The following EYA4 variants were observed in gnomAD, a reference collection of about 807,000 sequenced individuals.
The protein encoded by EYA4 is EYA transcriptional coactivator and phosphatase 4, also known as protein phosphatase EYA4.
Under a neutral mutation model 87.9 loss-of-function variants are expected in EYA4, and 31 were observed. The ratio of observed to expected loss-of-function variants is 0.35; its 90% CI spans 0.27 to 0.48. EYA4 has a LOEUF of 0.48. Ranked by LOEUF, EYA4 falls within the 20% of genes least tolerant of loss-of-function variation. The pLI is 0.99. For missense variants in EYA4, 678 were observed against 761.4 expected (o/e 0.89, Z 1.29); for synonymous variants, 263 against 270.6 (o/e 0.97, Z 0.28).
At chr6:133,318,367 G>A (rs1206020055) in intron 2 of EYA4, among the ~76,000 whole-genome samples, 2 of 152,168 alleles carry the variant, frequency 1.3e-5, no homozygotes. Context: ...AGAATTTGAT[G>A]TAAACATTTT....
chr6:133,374,580 A>C (rs910674219), intron 2 of EYA4, among the ~76,000 whole-genome samples: 1 of 152,048 alleles, frequency 6.6e-6, no homozygotes, highest in African/African-American at 2.4e-5. Context: ...AAGAAGGGTT[A>C]TGGCAGGTTT....
At chr6:133,461,009 A>G (rs1038910455) in intron 6 of EYA4, 105 bp from the exon 7 acceptor site, 2 of 811,210 alleles carry the variant, frequency 2.5e-6, no homozygotes, top group Non-Finnish European at 2.2e-6. Context: ...GAATTTCTGG[A>G]AACATGTATT....
intron 1 of EYA4, among the ~76,000 whole-genome samples, chr6:133,274,187 C>A (rs1034699505): frequency 1.3e-5 from 2 of 152,026 alleles, no homozygotes; most frequent in Non-Finnish European, 2.9e-5. Context: ...GTAATACATT[C>A]TTTAACATAT....
intron 2 of EYA4, among the ~76,000 whole-genome samples, chr6:133,361,844 C>T (rs919384907): frequency 6.6e-6 from 1 of 152,172 alleles, no homozygotes; most frequent in African/African-American, 2.4e-5. Context: ...TTAAAGTCAG[C>T]TGTTTGAAAG....
At chr6:133,329,039 C>G (rs1582972924) in intron 2 of EYA4, among the ~76,000 whole-genome samples, 1 of 151,984 alleles carries the variant, frequency 6.6e-6, no homozygotes, top group East Asian at 1.9e-4. Flanking sequence ...TAAGCAGAAG[C>G]CTCTGTTAGG....
In EYA4 at chr6:133,383,322, C is replaced by T. The variant is rs373146228; in HGVS notation, c.83+881C>T. On this transcript the variant is annotated intron_variant, in intron 3 of 19. Coordinates refer to ENST00000355286, the MANE Select transcript of EYA4 (RefSeq NM_004100.5). ...CTGAGGTCAGGAGTTCAAGACCAGC[C>T]TGGCCAATATGGTGAAACCCCATCT... Among the ~76,000 whole-genome samples, 45 of 152,012 alleles carry T rather than the reference C, an allele frequency of 3.0e-4. No homozygotes were observed. In the Middle Eastern group the frequency reaches 0.01, roughly 35 times the overall value.
intron 1 of EYA4, among the ~76,000 whole-genome samples, chr6:133,273,307 C>T (rs934575334): frequency 1.3e-5 from 2 of 151,748 alleles, no homozygotes; most frequent in Non-Finnish European, 2.9e-5. Flanking sequence ...CTCTTTTTTT[C>T]ACACTTTTCT....
chr6:133,365,442 C>T (rs1378494483), intron 2 of EYA4, among the ~76,000 whole-genome samples: 1 of 152,100 alleles, frequency 6.6e-6, no homozygotes, highest in African/African-American at 2.4e-5. Context: ...GACTGAGTGA[C>T]AACATGGAGA....
At chr6:133,365,690 T>G (rs895290014) in intron 2 of EYA4, among the ~76,000 whole-genome samples, 1 of 151,988 alleles carries the variant, frequency 6.6e-6, no homozygotes, top group Non-Finnish European at 1.5e-5. Context: ...CTAGTTTGAG[T>G]AATTTCAGTG....
chr6:133,294,416 G>T (rs1778791836), intron 2 of EYA4, among the ~76,000 whole-genome samples: 1 of 148,060 alleles, frequency 6.8e-6, no homozygotes, highest in Non-Finnish European at 1.5e-5. Context: ...TGCCCAGGCT[G>T]GAGTGCAATG....
intron 2 of EYA4, among the ~76,000 whole-genome samples, chr6:133,379,153 A>G (rs934434289): frequency 6.6e-6 from 1 of 151,932 alleles, no homozygotes; most frequent in African/African-American, 2.4e-5. Context: ...ATACCTGTAG[A>G]CCCAGTTACG....
At chr6:133,515,146 CAATGGATATTCAATTCAGA>C (rs1383756103) in intron 16 of EYA4, among the ~76,000 whole-genome samples, 156 bp from the exon 17 acceptor site, 2 of 152,184 alleles carry the variant, frequency 1.3e-5, no homozygotes, top group Non-Finnish European at 2.9e-5. Flanking sequence ...TTGACGGAAT[CAATGGATATTCAATTCAGA>C]AACGAAGGAT....
intron 2 of EYA4, among the ~76,000 whole-genome samples, chr6:133,330,342 T>C (rs1411035860): frequency 6.6e-6 from 1 of 152,098 alleles, no homozygotes; most frequent in African/African-American, 2.4e-5. Context: ...GTGAAAGATA[T>C]GACAGCACAA....
chr6:133,282,005 TATCCATTCC>T (rs1473487305), intron 2 of EYA4, among the ~76,000 whole-genome samples: 3 of 152,198 alleles, frequency 2.0e-5, no homozygotes, highest in African/African-American at 7.2e-5. Context: ...ACATTTTCTT[TATCCATTCC>T]ATTGTTGTGG....
At position 133,278,418 on chromosome 6, in the gene EYA4, AC is replaced by A. The variant is rs1220563854; in HGVS notation, c.33+3607del. On this transcript the variant is annotated intron_variant, in intron 2 of 19. Coordinates refer to ENST00000355286, the MANE Select transcript of EYA4 (RefSeq NM_004100.5). ...CCCTATCTGTTTACTTGCCTATCTC[AC>A]CACTACATTATAAACTACTTAAGAG... Among the ~76,000 whole-genome samples the A allele has an allele frequency of 2.6e-5, 4 of 152,186 alleles. No individual in the cohort carries two copies. In the East Asian group the frequency reaches 7.7e-4, roughly 29 times the overall value.
chr6:133,426,851 CTATCTA>C (rs1395173453), intron 3 of EYA4, among the ~76,000 whole-genome samples: 4 of 152,340 alleles, frequency 2.6e-5, no homozygotes, highest in East Asian at 1.9e-4. Context: ...TATCTCCTTT[CTATCTA>C]TATCTATATC....
At chr6:133,409,186 C>G (rs911288511) in intron 3 of EYA4, among the ~76,000 whole-genome samples, 2 of 152,098 alleles carry the variant, frequency 1.3e-5, no homozygotes, top group Non-Finnish European at 2.9e-5. Context: ...TATTCACTAT[C>G]CAAAAAGGAA....
intron 11 of EYA4, among the ~76,000 whole-genome samples, chr6:133,472,870 A>T (rs1795392380): frequency 1.4e-5 from 2 of 145,116 alleles, no homozygotes; most frequent in African/African-American, 2.6e-5. Flanking sequence ...GTCTCTTTTG[A>T]TCTTTGTTGG....
chr6:133,480,288 C>G (rs1207873414), intron 11 of EYA4, among the ~76,000 whole-genome samples: 1 of 152,186 alleles, frequency 6.6e-6, no homozygotes, highest in African/African-American at 2.4e-5. Flanking sequence ...GAATCACACA[C>G]AGCACAGAGA....
Sources: gnomAD v4.1 joint callset for allele counts (sites outside exome capture counted in the v4.1 genomes callset) on GRCh38, gnomAD v4.1.1 for gene constraint, MANE v1.5 for transcripts, NCBI Gene and HGNC (gene_info 2026-07-23, HGNC 2026-07-21) for gene names.